Variants in RAB30 observed in about 807,000 individuals in gnomAD.
RAB30 encodes RAB30, member RAS oncogene family.
Under a neutral mutation model 25.1 loss-of-function variants are expected in RAB30, and 9 were observed. The ratio of observed to expected loss-of-function variants is 0.36; its 90% CI spans 0.22 to 0.63. The LOEUF is 0.63. Ranked by LOEUF, RAB30 falls within the 20% of genes least tolerant of loss-of-function variation. The pLI, the probability that RAB30 is intolerant of heterozygous loss-of-function variation, is 0.69. For missense variants in RAB30, 140 were observed against 243.5 expected, an observed-to-expected ratio of 0.58 and a Z score of 2.83; for synonymous variants, 77 against 86.4, an observed-to-expected ratio of 0.89 and a Z score of 0.60.
intron 1 of RAB30, among the ~76,000 whole-genome samples, chr11:83,043,207 C>T (rs1858165349): frequency 6.6e-6 from 1 of 152,156 alleles, no homozygotes; most frequent in Non-Finnish European, 1.5e-5. Context: ...CTCTTAGAAC[C>T]TTCCCATAAG....
At chr11:82,992,134 A>G (rs1373618482) in intron 3 of RAB30, among the ~76,000 whole-genome samples, 1 of 151,936 alleles carries the variant, frequency 6.6e-6, no homozygotes, top group African/African-American at 2.4e-5. Flanking sequence ...TCTTTACCCA[A>G]CTCCTTGGGT....
intron 1 of RAB30, among the ~76,000 whole-genome samples, chr11:83,061,242 C>T (rs1175329913): frequency 6.6e-6 from 1 of 152,178 alleles, no homozygotes; most frequent in Non-Finnish European, 1.5e-5. Flanking sequence ...CTTTCTCCCT[C>T]TCTCTCTGTC....
At chr11:83,021,466 G>A (rs376739050) in intron 1 of RAB30, among the ~76,000 whole-genome samples, 1 of 152,194 alleles carries the variant, frequency 6.6e-6, no homozygotes, top group African/African-American at 2.4e-5. Flanking sequence ...TGCTTGCGGC[G>A]CACCTGGTCC....
chr11:82,982,495 T>C lies in RAB30; in HGVS notation c.362-80A>G, dbSNP rs562680757. On this transcript the variant is annotated intron_variant, in intron 4 of 4. Transcript: ENST00000527633. Reference sequence around the variant, plus strand: ...AGAAGCATCAAAATTCAACTCCATATCTGAAGTCAAGCCAGACAGATGGGC... The same window carrying C: ...AGAAGCATCAAAATTCAACTCCATACCTGAAGTCAAGCCAGACAGATGGGC... 4.1e-6 allele frequency: 6 copies of C among 1,463,596 alleles called. No homozygotes were observed. In the East Asian group the frequency reaches 1.4e-4, roughly 33 times the overall value. The allele number at this position is 1,463,596 out of a possible 1,614,324, so 90.7% of individuals were successfully genotyped here. A position where few individuals can be genotyped will look rare whatever the true frequency, so the allele number is the denominator to read the frequency against.
rs1022304981 is a variant in RAB30 at position 82,978,111 on chromosome 11, G to C, written c.*4054C>G. ...GATGAGAAGCAAATGTTGTTTCACA[G>C]CTTTTAATTCTTTAGCGAAGTCTCA... On this transcript the variant is annotated 3_prime_UTR_variant, in exon 5 of 5. Coordinates refer to ENST00000527633, the MANE Select transcript of RAB30 (RefSeq NM_001286060.2). 3 of 152,152 alleles carry C rather than the reference G, an allele frequency of 2.0e-5. No individual in the cohort carries two copies. The highest frequency in any genetic ancestry group is 4.4e-5 in the Non-Finnish European group (3 of 68,018). 9.4% of individuals were successfully genotyped at this position (152,152 alleles called of 1,614,324 possible).
At chr11:83,008,805 C>T (rs150356441) in intron 1 of RAB30, among the ~76,000 whole-genome samples, 199 of 152,218 alleles carry the variant, frequency 1.3e-3, no homozygotes, top group African/African-American at 4.5e-3. Context: ...GTCAGCTCTC[C>T]CCCACCCAGC....
intron 1 of RAB30, among the ~76,000 whole-genome samples, chr11:83,023,402 G>A (rs939024709): frequency 6.6e-6 from 1 of 152,212 alleles, no homozygotes; most frequent in African/African-American, 2.4e-5. Context: ...AAGGGAAGAA[G>A]AGGCATGCAC....
intron 4 of RAB30, 47 bp from the exon 5 acceptor site, chr11:82,982,462 G>C: frequency 6.3e-7 from 1 of 1,588,626 alleles, no homozygotes; most frequent in Middle Eastern, 2.2e-4. Context: ...TTGACTTTTT[G>C]CAGGCTGAGA....
chr11:83,054,460 A>G (rs1054246914), intron 1 of RAB30, among the ~76,000 whole-genome samples: 1 of 152,242 alleles, frequency 6.6e-6, no homozygotes, highest in African/African-American at 2.4e-5. Context: ...GAGAAACTTT[A>G]GAAATAACCT....
At chr11:83,002,863 C>T (rs2121476088) in intron 1 of RAB30, among the ~76,000 whole-genome samples, 1 of 152,300 alleles carries the variant, frequency 6.6e-6, no homozygotes. Flanking sequence ...TTTCCTCTTT[C>T]CCTTTGGGGC....
intron 3 of RAB30, among the ~76,000 whole-genome samples, chr11:82,990,554 A>G (rs555673564): frequency 6.6e-6 from 1 of 152,356 alleles, no homozygotes; most frequent in South Asian, 2.1e-4. Context: ...GGATGGACAG[A>G]TGGTTGAAGA....
At chr11:83,000,850 G>A (rs1857063417) in intron 1 of RAB30, among the ~76,000 whole-genome samples, 1 of 150,800 alleles carries the variant, frequency 6.6e-6, no homozygotes, top group Non-Finnish European at 1.5e-5. Flanking sequence ...TCAGGAGATC[G>A]AGACCACGGT....
intron 3 of RAB30, among the ~76,000 whole-genome samples, chr11:82,989,722 T>C (rs982549164): frequency 1.3e-5 from 2 of 152,234 alleles, no homozygotes; most frequent in Non-Finnish European, 2.9e-5. Context: ...AGAACAGCGA[T>C]TGTATGAGCA....
chr11:82,999,277 C>T (rs1262956692), intron 1 of RAB30, among the ~76,000 whole-genome samples: 1 of 152,162 alleles, frequency 6.6e-6, no homozygotes, highest in Non-Finnish European at 1.5e-5. Context: ...GGCCTGAAAT[C>T]ATAAAGCTAA....
intron 1 of RAB30, among the ~76,000 whole-genome samples, chr11:83,012,803 C>T (rs980623891): frequency 3.3e-5 from 5 of 152,152 alleles, no homozygotes; most frequent in Non-Finnish European, 7.3e-5. Context: ...AGCCCAGCAC[C>T]TCGTATCTTT....
intron 1 of RAB30, among the ~76,000 whole-genome samples, chr11:83,067,752 G>A (rs1350616154): frequency 6.6e-6 from 1 of 152,182 alleles, no homozygotes; most frequent in Non-Finnish European, 1.5e-5. Flanking sequence ...AGAACTTTGG[G>A]AGGCAGAGGC....
chr11:82,992,434 G>T (rs1856870807), intron 3 of RAB30: 1 of 454,882 alleles, frequency 2.2e-6, no homozygotes, highest in African/African-American at 2.0e-5. Flanking sequence ...AGAGCTTCTG[G>T]CCCCCATTCA....
intron 1 of RAB30, among the ~76,000 whole-genome samples, chr11:83,012,649 A>G (rs961274821): frequency 1.3e-5 from 2 of 152,222 alleles, no homozygotes; most frequent in African/African-American, 4.8e-5. Context: ...ACCGTTGTGC[A>G]GATTAAAGGA....
intron 1 of RAB30, among the ~76,000 whole-genome samples, chr11:83,056,162 A>G (rs1256817342): frequency 6.6e-6 from 1 of 152,240 alleles, no homozygotes; most frequent in Non-Finnish European, 1.5e-5. Context: ...CTCTACACCC[A>G]CTAAACAGCT....
Sources: allele counts gnomAD v4.1 joint callset (sites outside exome capture counted in the v4.1 genomes callset), GRCh38; gene constraint gnomAD v4.1.1; transcripts MANE v1.5; gene names NCBI Gene and HGNC (gene_info 2026-07-23, HGNC 2026-07-21).